TSGA10: variants seen among roughly 807,000 people sequenced by gnomAD.
The protein encoded by TSGA10 is testis-specific gene 10 protein.
In TSGA10, 43 loss-of-function variants were observed where a neutral mutation model predicts 96.6. That is an observed-to-expected ratio of 0.44 (90% confidence interval 0.35 to 0.57). The LOEUF is 0.57. Ranked by LOEUF, TSGA10 falls within the 20% of genes least tolerant of loss-of-function variation. TSGA10 has a pLI of 0.01. For synonymous variants in TSGA10, 229 were observed against 269.9 expected (o/e 0.85, Z 1.48); for missense variants, 703 against 834.4 (o/e 0.84, Z 1.94).
At chr2:99,144,187 A>C (rs1247929375) in intron 1 of TSGA10, among the ~76,000 whole-genome samples, 2 of 151,400 alleles carry the variant, frequency 1.3e-5, no homozygotes, top group Admixed American at 1.3e-4. Flanking sequence ...CGCCCGGCTA[A>C]TTTTTTTGTA....
intron 16 of TSGA10, among the ~76,000 whole-genome samples, chr2:99,057,339 CAGAT>C (rs1176856836): frequency 6.6e-6 from 1 of 152,076 alleles, no homozygotes; most frequent in African/African-American, 2.4e-5. Context: ...GCCCAGGTGA[CAGAT>C]ATAGAAAATC....
At chr2:99,063,376 TTC>T (rs1324350309) in intron 16 of TSGA10, among the ~76,000 whole-genome samples, 1 of 152,150 alleles carries the variant, frequency 6.6e-6, no homozygotes, top group Non-Finnish European at 1.5e-5. Context: ...TTGATAATAA[TTC>T]TGAGTATATC....
chr2:99,130,705 T>C (rs936304052), intron 1 of TSGA10, among the ~76,000 whole-genome samples: 6 of 152,360 alleles, frequency 3.9e-5, no homozygotes, highest in Admixed American at 3.9e-4. Flanking sequence ...CCCATGCCTA[T>C]GTCCTAAATG....
chr2:99,076,116 CAA>C (rs2086674580), intron 12 of TSGA10, among the ~76,000 whole-genome samples: 1 of 152,102 alleles, frequency 6.6e-6, no homozygotes, highest in African/African-American at 2.4e-5. Flanking sequence ...CTACATAACC[CAA>C]AGACAATTCA....
At chr2:99,003,983 C>G (rs947338945) in intron 20 of TSGA10, among the ~76,000 whole-genome samples, 3 of 152,032 alleles carry the variant, frequency 2.0e-5, no homozygotes, top group Non-Finnish European at 2.9e-5. Flanking sequence ...CATAAAAAAC[C>G]CTTCAAAAAA....
chr2:99,133,054 A>C (rs759589893), intron 1 of TSGA10, among the ~76,000 whole-genome samples: 14 of 152,188 alleles, frequency 9.2e-5, no homozygotes, highest in Non-Finnish European at 1.6e-4. Context: ...GCTGAGAAGA[A>C]TGTATATTCT....
chr2:99,031,120 T>C (rs1426620820), intron 17 of TSGA10, among the ~76,000 whole-genome samples: 1 of 151,352 alleles, frequency 6.6e-6, no homozygotes, highest in Admixed American at 6.6e-5. Flanking sequence ...TTCTGTGGTA[T>C]TGGGGGAAAG....
chr2:99,105,137 T>C (rs2091206957), intron 9 of TSGA10, among the ~76,000 whole-genome samples: 1 of 152,144 alleles, frequency 6.6e-6, no homozygotes. Context: ...TTAAAGTACA[T>C]ACTTTGCAAC....
chr2:99,099,698 AAT>A (rs1163007643), intron 10 of TSGA10, among the ~76,000 whole-genome samples: 7 of 152,220 alleles, frequency 4.6e-5, no homozygotes, highest in Non-Finnish European at 8.8e-5. Context: ...AAATATATTG[AAT>A]AGTTAATTAG....
Position 99,020,407 on chromosome 2 carries a change from T to C in TSGA10, c.1690A>G (p.Met564Val), listed in dbSNP as rs372217321. ...RSQMANERIS[M>V]QNLEALLVAN... ...ACCAGCAAAGCTTCTAGATTCTGCA[T>C]GGAGATTCTCTCATTTGCCATCTGA... The change falls in exon 18 of 21, where the codon ATG becomes GTG. Residue 564 changes from methionine (M) to valine (V), a missense_variant. Coordinates refer to ENST00000393483, the MANE Select transcript of TSGA10 (RefSeq NM_025244.4). 4 of 1,613,946 alleles carry C rather than the reference T, an allele frequency of 2.5e-6. No homozygotes were observed. The highest frequency in any genetic ancestry group is 3.4e-6 in the Non-Finnish European group (4 of 1,179,896).
At position 99,045,990 on chromosome 2, in the gene TSGA10, T is replaced by C. The variant is rs1558831405; in HGVS notation, c.1405-10551A>G. Among the ~76,000 whole-genome samples, 4 of 152,234 alleles carry C rather than the reference T, an allele frequency of 2.6e-5. No homozygotes were observed. In the South Asian group the frequency reaches 6.2e-4, roughly 24 times the overall value. ...AGAGACAAAGAAGGCCATTACATAATGGTAAAGGGATCAATTCAACAAGAA... is the reference window on the plus strand; with the variant it reads ...AGAGACAAAGAAGGCCATTACATAACGGTAAAGGGATCAATTCAACAAGAA... On this transcript the variant is annotated intron_variant, in intron 16 of 20. Transcript: ENST00000393483.
intron 17 of TSGA10, among the ~76,000 whole-genome samples, chr2:99,032,446 T>C (rs1311211288): frequency 6.6e-6 from 1 of 152,216 alleles, no homozygotes; most frequent in African/African-American, 2.4e-5. Context: ...GTCTACTTTG[T>C]ATAATATGTA....
chr2:99,134,720 T>C (rs2093252188), intron 1 of TSGA10, among the ~76,000 whole-genome samples: 1 of 152,230 alleles, frequency 6.6e-6, no homozygotes, highest in Non-Finnish European at 1.5e-5. Context: ...CATGGATTTA[T>C]CTGCCTTTGG....
intron 7 of TSGA10, 94 bp downstream of exon 7, chr2:99,108,739 G>T (rs1415354231): frequency 1.5e-5 from 12 of 812,598 alleles, no homozygotes; most frequent in South Asian, 3.0e-5. Flanking sequence ...AACTTGATTT[G>T]CAGGTTTAAG....
intron 20 of TSGA10, among the ~76,000 whole-genome samples, chr2:99,011,748 A>G (rs1212525349): frequency 6.6e-6 from 1 of 152,148 alleles, no homozygotes; most frequent in African/African-American, 2.4e-5. Flanking sequence ...ATGTGTATAT[A>G]AGAAAACAAA....
intron 2 of TSGA10, chr2:99,126,518 C>G (rs541560927): frequency 1.2e-4 from 19 of 152,412 alleles, no homozygotes; most frequent in African/African-American, 4.6e-4. Flanking sequence ...GAGTTTTTAG[C>G]TGTACTTAGC....
At chr2:99,101,941 G>GA in intron 10 of TSGA10, 2 of 707,626 alleles carry the variant, frequency 2.8e-6, no homozygotes, top group Non-Finnish European at 4.9e-6. Flanking sequence ...TGTGCAACAC[G>GA]AAAAACTCTA....
At chr2:99,041,253 T>A (rs1385989083) in intron 16 of TSGA10, among the ~76,000 whole-genome samples, 2 of 152,216 alleles carry the variant, frequency 1.3e-5, no homozygotes, top group Non-Finnish European at 2.9e-5. Flanking sequence ...CTCACCATTG[T>A]TCCATCTGCA....
intron 16 of TSGA10, among the ~76,000 whole-genome samples, chr2:99,039,972 A>C (rs1384802768): frequency 6.6e-6 from 1 of 152,204 alleles, no homozygotes; most frequent in Non-Finnish European, 1.5e-5. Flanking sequence ...TAACGTAAGT[A>C]AGTCAATAAA....
Sources: allele counts gnomAD v4.1 joint callset (sites outside exome capture counted in the v4.1 genomes callset), GRCh38; gene constraint gnomAD v4.1.1; transcripts MANE v1.5; gene names NCBI Gene and HGNC (gene_info 2026-07-23, HGNC 2026-07-21).